DYNLT2: variants seen among roughly 807,000 people sequenced by gnomAD.
DYNLT2 encodes dynein light chain Tctex-type protein 2.
Under a neutral mutation model 24.3 loss-of-function variants are expected in DYNLT2, and 24 were observed. The observed-to-expected ratio is 0.99, with a 90% CI of 0.71 to 1.39. DYNLT2 has a LOEUF of 1.39. Ranked by LOEUF, DYNLT2 falls within the 40% of genes most tolerant of loss-of-function variation. DYNLT2 has a pLI of 0.00. For synonymous variants in DYNLT2, 85 were observed against 85.4 expected (o/e 1.00, Z 0.03); for missense variants, 246 against 234.5 (o/e 1.05, Z -0.32).
At chr6:169,725,569 TCTGCCAAGAAGAAA>T in the DYNLT2 span, 1 of 374,596 alleles carries the variant, frequency 2.7e-6, no homozygotes, top group Non-Finnish European at 4.7e-6. Flanking sequence ...CTTGTCTGAA[TCTGCCAAGAAGAAA>T]CTGCATCTTT....
Position 169,743,228 on chromosome 6 carries a change from T to G in DYNLT2, c.338A>C (p.Lys113Thr), listed in dbSNP as rs750946935. 2 of 1,478,938 alleles carry G rather than the reference T, an allele frequency of 1.4e-6. No homozygotes were observed. Among genetic ancestry groups the G allele is most frequent in the Non-Finnish European group, 1.8e-6 (2 of 1,103,126 alleles). The allele number at this position is 1,478,938 out of a possible 1,614,324, so 91.6% of individuals were successfully genotyped here. Reference sequence around the variant, plus strand: ...TACTTTATCATCATATTTGACATCTTTAAGACTTTCCTTTAAGAAAATTTA... The same window carrying G: ...TACTTTATCATCATATTTGACATCTGTAAGACTTTCCTTTAAGAAAATTTA... ...KVQQILTESL[K>T]DVKYDDKVFS... Residue 113 changes from lysine to threonine, a missense_variant, in exon 3 of 4, where the codon AAA becomes ACA. By Grantham distance (78) the Lys-to-Thr change is moderately conservative. Transcript: ENST00000366774.
chr6:169,739,725 T>G (rs995780857), downstream of DYNLT2, among the ~76,000 whole-genome samples: 2 of 152,210 alleles, frequency 1.3e-5, no homozygotes, highest in Non-Finnish European at 2.9e-5. Flanking sequence ...AATAACATCT[T>G]TCTTTCAAAC....
chr6:169,744,779 A>G (rs1789758052), intron 1 of DYNLT2, among the ~76,000 whole-genome samples: 1 of 152,250 alleles, frequency 6.6e-6, no homozygotes, highest in South Asian at 2.1e-4. Context: ...CCAAAAGAGC[A>G]TTGATTTGAT....
chr6:169,728,192 G>C, the DYNLT2 span, among the ~76,000 whole-genome samples: 1 of 152,176 alleles, frequency 6.6e-6, no homozygotes, highest in African/African-American at 2.4e-5. Context: ...ATTGAAGTCT[G>C]TTTGTAAAGG....
intron 3 of DYNLT2, among the ~76,000 whole-genome samples, chr6:169,741,444 A>G (rs1315160771): frequency 6.6e-6 from 1 of 152,210 alleles, no homozygotes; most frequent in Non-Finnish European, 1.5e-5. Context: ...TTAGAGGGCT[A>G]CAAGTGCATC....
chr6:169,751,272 T>TG, intron 1 of DYNLT2, 67 bp downstream of exon 1: 1 of 1,553,856 alleles, frequency 6.4e-7, no homozygotes. Flanking sequence ...CGGGGCCCAC[T>TG]GGGGAGCGAT....
chr6:169,748,069 A>C (rs1789850713), intron 1 of DYNLT2, among the ~76,000 whole-genome samples: 1 of 151,948 alleles, frequency 6.6e-6, no homozygotes, highest in South Asian at 2.1e-4. Flanking sequence ...ATGATTTTCC[A>C]CTTTTTCTGG....
chr6:169,741,515 G>A (rs955269113), intron 3 of DYNLT2, among the ~76,000 whole-genome samples: 1 of 152,162 alleles, frequency 6.6e-6, no homozygotes, highest in Non-Finnish European at 1.5e-5. Context: ...CAGAAAGTAA[G>A]CAAATACATG....
the DYNLT2 span, among the ~76,000 whole-genome samples, chr6:169,727,919 A>C: frequency 6.6e-6 from 1 of 152,214 alleles, no homozygotes; most frequent in Non-Finnish European, 1.5e-5. Flanking sequence ...ATATAAAGGG[A>C]AAATCAGCTG....
the DYNLT2 span, among the ~76,000 whole-genome samples, chr6:169,727,650 A>T: frequency 1.3e-5 from 2 of 151,446 alleles, no homozygotes. Context: ...TGCAAGCTCC[A>T]CCTCCTGGGT....
chr6:169,732,984 G>C, the DYNLT2 span, among the ~76,000 whole-genome samples: 1 of 152,156 alleles, frequency 6.6e-6, no homozygotes, highest in South Asian at 2.1e-4. Flanking sequence ...ATTCTGACTG[G>C]TGTGAGATGG....
chr6:169,732,025 T>C, the DYNLT2 span, among the ~76,000 whole-genome samples: 1 of 152,234 alleles, frequency 6.6e-6, no homozygotes, highest in Non-Finnish European at 1.5e-5. Flanking sequence ...TAATTCATCC[T>C]GACAAGTTCA....
the DYNLT2 span, among the ~76,000 whole-genome samples, chr6:169,730,620 C>T: frequency 3.9e-5 from 6 of 152,122 alleles, no homozygotes; most frequent in Admixed American, 6.5e-5. Context: ...TCCGGCCGGG[C>T]GCGGTGGCTC....
Position 169,740,290 on chromosome 6 carries a change from G to A in DYNLT2, c.492C>T (p.Ala164=), listed in dbSNP as rs1789649669. 12 of 1,610,336 alleles carry A rather than the reference G, an allele frequency of 7.5e-6. No homozygotes were observed. The highest frequency in any genetic ancestry group is 1.3e-5 in the African/African-American group (1 of 74,820). ...IQKTGQAINI[A]SRWIWDIAWD... ...ATGCAATGTCCCAGATCCATCTGCTGGCAATCTGTGAGAGAAATTTTGTAA... is the reference window on the plus strand; with the variant it reads ...ATGCAATGTCCCAGATCCATCTGCTAGCAATCTGTGAGAGAAATTTTGTAA... The change falls in exon 4 of 4, where the codon GCC becomes GCT. Residue 164 remains alanine, a synonymous_variant. Coordinates refer to ENST00000366774, the MANE Select transcript of DYNLT2 (RefSeq NM_174910.3).
chr6:169,729,141 T>C, the DYNLT2 span, among the ~76,000 whole-genome samples: 6 of 152,188 alleles, frequency 3.9e-5, no homozygotes, highest in African/African-American at 1.4e-4. Flanking sequence ...AAATTTAAAT[T>C]TATTACAGTC....
chr6:169,751,244 T>G lies in DYNLT2; in HGVS notation c.120+95A>C. Reference sequence around the variant, plus strand: ...AAGGGAGATGCTGCCTCCTTGGCTCTGGGGGTGGTGACGGGAGCGGGGCCC... The same window carrying G: ...AAGGGAGATGCTGCCTCCTTGGCTCGGGGGGTGGTGACGGGAGCGGGGCCC... On this transcript the variant is annotated intron_variant, in intron 1 of 3. Coordinates refer to ENST00000366774, the MANE Select transcript of DYNLT2 (RefSeq NM_174910.3). 3 of 1,512,046 alleles carry G rather than the reference T, an allele frequency of 2.0e-6. No individual in the cohort carries two copies. The South Asian group carries it at 3.8e-5, about 19-fold the overall frequency. 93.7% of individuals were successfully genotyped at this position (1,512,046 alleles called of 1,614,324 possible). A position where few individuals can be genotyped will look rare whatever the true frequency, so the allele number is the denominator to read the frequency against.
chr6:169,731,537 A>G, the DYNLT2 span, among the ~76,000 whole-genome samples: 389 of 152,318 alleles, frequency 2.6e-3, no homozygotes, highest in African/African-American at 7.8e-3. Context: ...CAGCCCCCCA[A>G]TACAAAAGAA....
chr6:169,725,945 A>G, the DYNLT2 span: 1 of 152,252 alleles, frequency 6.6e-6, no homozygotes, highest in Non-Finnish European at 1.5e-5. Context: ...GCCAAGGATA[A>G]TTGTTTCAAA....
At chr6:169,750,192 T>C (rs1585323557) in intron 1 of DYNLT2, 1 of 152,242 alleles carries the variant, frequency 6.6e-6, no homozygotes, top group South Asian at 2.1e-4. Flanking sequence ...AGACCTCAGA[T>C]AGGCAGTAAG....
Sources: gnomAD v4.1 joint callset for allele counts (sites outside exome capture counted in the v4.1 genomes callset) on GRCh38, gnomAD v4.1.1 for gene constraint, MANE v1.5 for transcripts, NCBI Gene and HGNC (gene_info 2026-07-23, HGNC 2026-07-21) for gene names.